Variants in MEIS1 observed in about 807,000 individuals in gnomAD.
MEIS1 encodes homeobox protein Meis1.
MEIS1 carries 5 observed loss-of-function variants against 50.8 expected under a neutral mutation model. The ratio of observed to expected loss-of-function variants is 0.10; its 90% CI spans 0.05 to 0.21. The LOEUF is 0.21. MEIS1 is among the 10% of genes least tolerant of loss of function. The probability of loss-of-function intolerance (pLI) is 1.00; values close to 1 mark genes in which losing one functional copy is unlikely to be tolerated. For missense variants in MEIS1, 318 were observed against 517.3 expected (o/e 0.61, Z 3.74); for synonymous variants, 176 against 179.3 (o/e 0.98, Z 0.15).
intron 7 of MEIS1, among the ~76,000 whole-genome samples, chr2:66,495,723 C>T (rs916776010): frequency 3.3e-5 from 5 of 152,138 alleles, no homozygotes; most frequent in African/African-American, 1.2e-4. Context: ...AACACAGAGC[C>T]ACTGAGCAGC....
intron 12 of MEIS1, 85 bp downstream of exon 12, chr2:66,569,230 C>A: frequency 8.9e-7 from 1 of 1,129,440 alleles, no homozygotes; most frequent in Non-Finnish European, 1.3e-6. Context: ...TTGCCCATAG[C>A]TTCATGCTTG....
chr2:66,507,482 T>G (rs1572863502), intron 7 of MEIS1, among the ~76,000 whole-genome samples: 1 of 152,120 alleles, frequency 6.6e-6, no homozygotes, highest in African/African-American at 2.4e-5. Context: ...TAATTAGGAG[T>G]TTTGCTTCTA....
chr2:66,555,013 G>A lies in MEIS1; in HGVS notation c.965+6994G>A, dbSNP rs191749445. ...GAAGGGCATGACAGATAATAGGCTC[G>A]AAATTTCTGAAGTTATTGTACAGCA... On this transcript the variant is annotated intron_variant, in intron 9 of 12. Coordinates refer to ENST00000272369, the MANE Select transcript of MEIS1 (RefSeq NM_002398.3). 6.4e-3 allele frequency among the ~76,000 whole-genome samples: 978 copies of A among 152,256 alleles called. 9 individuals carry two copies. The highest frequency in any genetic ancestry group is 1.0e-2 in the Non-Finnish European group (678 of 68,004).
intron 6 of MEIS1, among the ~76,000 whole-genome samples, chr2:66,449,398 G>A (rs1382457604): frequency 1.3e-5 from 2 of 152,044 alleles, no homozygotes; most frequent in Non-Finnish European, 2.9e-5. Context: ...AATAAACCAT[G>A]GGTGTCTAAA....
At chr2:66,487,286 A>C (rs1673165980) in intron 7 of MEIS1, among the ~76,000 whole-genome samples, 1 of 152,212 alleles carries the variant, frequency 6.6e-6, no homozygotes, top group Non-Finnish European at 1.5e-5. Context: ...AACAAGTTGT[A>C]CAATAAACAC....
At chr2:66,503,161 C>A (rs1673597857) in intron 7 of MEIS1, among the ~76,000 whole-genome samples, 1 of 152,154 alleles carries the variant, frequency 6.6e-6, no homozygotes, top group South Asian at 2.1e-4. Flanking sequence ...CATTGTTTGA[C>A]AAAATTTACA....
intron 8 of MEIS1, among the ~76,000 whole-genome samples, chr2:66,521,864 G>A (rs1453020502): frequency 6.6e-6 from 1 of 152,144 alleles, no homozygotes; most frequent in Admixed American, 6.5e-5. Context: ...TGGCTCCTGA[G>A]CTACAAAGCA....
At chr2:66,471,041 A>T (rs1240270351) in intron 7 of MEIS1, among the ~76,000 whole-genome samples, 1 of 152,164 alleles carries the variant, frequency 6.6e-6, no homozygotes, top group Non-Finnish European at 1.5e-5. Flanking sequence ...TTTTAGAACA[A>T]TTGATTAGCC....
intron 7 of MEIS1, among the ~76,000 whole-genome samples, chr2:66,471,212 A>T (rs1331335808): frequency 6.6e-6 from 1 of 152,106 alleles, no homozygotes; most frequent in East Asian, 1.9e-4. Context: ...ATTGGAAAAG[A>T]CAGGGCATTA....
chr2:66,518,272 G>A (rs576316552), intron 8 of MEIS1, among the ~76,000 whole-genome samples: 115 of 152,328 alleles, frequency 7.5e-4, no homozygotes, highest in African/African-American at 2.6e-3. Flanking sequence ...GTCAGAGTAT[G>A]AGTGCAATTT....
At position 66,480,789 on chromosome 2, in the gene MEIS1, A is replaced by G. The variant is rs576578243; in HGVS notation, c.742+16569A>G. Reference sequence around the variant, plus strand: ...CTTCTTTGCTAAGTCTCATTTCTCTACTTGTGCATTTCTTTGGAGAATAAC... The same window carrying G: ...CTTCTTTGCTAAGTCTCATTTCTCTGCTTGTGCATTTCTTTGGAGAATAAC... On this transcript the variant is annotated intron_variant, in intron 7 of 12. Transcript: ENST00000272369. Among the ~76,000 whole-genome samples, 3 of 152,254 alleles carry G rather than the reference A, an allele frequency of 2.0e-5. No individual in the cohort carries two copies. The South Asian group carries it at 6.2e-4, about 32-fold the overall frequency.
rs1675516916 is a variant in MEIS1, at chr2:66,573,360, A to G, written c.*2152A>G. 6.6e-6 allele frequency: 1 copy of G among 152,234 alleles called. No homozygotes were observed. Among genetic ancestry groups the G allele is most frequent in the Non-Finnish European group, 1.5e-5 (1 of 68,040 alleles). 9.4% of individuals were successfully genotyped at this position (152,234 alleles called of 1,614,324 possible). On this transcript the variant is annotated 3_prime_UTR_variant, in exon 13 of 13. Transcript: ENST00000272369. The stretch of plus-strand genomic sequence containing the variant: ...TCCCAAAGCTAAGGAAAATATACAA[A>G]TATTTTAATTAAGGCAAATTCGTTT...
At chr2:66,519,177 A>C (rs917917385) in intron 8 of MEIS1, among the ~76,000 whole-genome samples, 8 of 152,210 alleles carry the variant, frequency 5.3e-5, no homozygotes, top group African/African-American at 1.9e-4. Flanking sequence ...CAAGTAGTGG[A>C]GTACTTGCAC....
At chr2:66,506,638 G>A (rs1207567939) in intron 7 of MEIS1, among the ~76,000 whole-genome samples, 1 of 152,170 alleles carries the variant, frequency 6.6e-6, no homozygotes, top group East Asian at 1.9e-4. Flanking sequence ...TCAGATATAT[G>A]CTTTAGAAAA....
intron 9 of MEIS1, among the ~76,000 whole-genome samples, chr2:66,555,980 G>A (rs895491597): frequency 2.6e-5 from 4 of 152,100 alleles, no homozygotes; most frequent in Non-Finnish European, 5.9e-5. Flanking sequence ...TGCACGCCGA[G>A]GAGCTTTCTG....
At chr2:66,534,697 A>C (rs183638513) in intron 8 of MEIS1, among the ~76,000 whole-genome samples, 23 of 152,304 alleles carry the variant, frequency 1.5e-4, no homozygotes, top group African/African-American at 5.3e-4. Flanking sequence ...TCATTTAGGA[A>C]GGGAAAACTA....
At position 66,573,267 on chromosome 2, in the gene MEIS1, AAAT is replaced by A; in HGVS notation, c.*2064_*2066del. ...GCATGGCAGCCGGCTAAATGGTAGA[AAAT>A]AATATGTTTAAGCTGGAATAGCTTA... On this transcript the variant is annotated 3_prime_UTR_variant, in exon 13 of 13. Coordinates refer to ENST00000272369, the MANE Select transcript of MEIS1 (RefSeq NM_002398.3). The A allele has an allele frequency of 6.6e-6, 1 of 152,230 alleles. No homozygotes were observed. The highest frequency in any genetic ancestry group is 1.5e-5 in the Non-Finnish European group (1 of 68,032). The allele number at this position is 152,230 out of a possible 1,614,324, so 9.4% of individuals were successfully genotyped here.
At chr2:66,458,990 AT>A (rs1167709007) in intron 6 of MEIS1, among the ~76,000 whole-genome samples, 1 of 152,198 alleles carries the variant, frequency 6.6e-6, no homozygotes, top group Non-Finnish European at 1.5e-5. Context: ...GTAGGCCAGG[AT>A]TTCAAAACAT....
At chr2:66,531,758 T>C (rs1674396309) in intron 8 of MEIS1, among the ~76,000 whole-genome samples, 1 of 152,232 alleles carries the variant, frequency 6.6e-6, no homozygotes, top group Non-Finnish European at 1.5e-5. Context: ...GAAGGCCCTG[T>C]GTGTCAGGAT....
Sources: gnomAD v4.1 joint callset for allele counts (sites outside exome capture counted in the v4.1 genomes callset) on GRCh38, gnomAD v4.1.1 for gene constraint, MANE v1.5 for transcripts, NCBI Gene and HGNC (gene_info 2026-07-23, HGNC 2026-07-21) for gene names.